Variants in DPP10 observed in about 807,000 individuals in gnomAD.
DPP10 encodes dipeptidyl peptidase like 10.
Under a neutral mutation model 120.9 loss-of-function variants are expected in DPP10, and 33 were observed. That is an observed-to-expected ratio of 0.27 (90% CI 0.21 to 0.37). The LOEUF (loss-of-function observed/expected upper bound fraction) is 0.37, where lower values mean the gene tolerates loss of function less well. DPP10 is among the 10% of genes least tolerant of loss of function. The pLI, the probability that DPP10 is intolerant of heterozygous loss-of-function variation, is 1.00. For missense variants in DPP10, 816 were observed against 942.8 expected, an observed-to-expected ratio of 0.87 and a Z score of 1.76; for synonymous variants, 337 against 326.1, an observed-to-expected ratio of 1.03 and a Z score of -0.36.
intron 1 of DPP10, among the ~76,000 whole-genome samples, chr2:114,460,207 ATCTATCTATCTATCTAT>A (rs1370233911): frequency 1.3e-5 from 2 of 151,682 alleles, no homozygotes; most frequent in Non-Finnish European, 2.9e-5. Flanking sequence ...CTATCTATCT[ATCTATCTATCTATCTAT>A]TCTAAGAGCA....
chr2:114,869,429 G>A (rs949160138), intron 1 of DPP10, among the ~76,000 whole-genome samples: 2 of 152,094 alleles, frequency 1.3e-5, no homozygotes, highest in African/African-American at 4.8e-5. Flanking sequence ...TTACAGATAG[G>A]CAGCAAGAGA....
At chr2:114,577,786 G>A (rs1573702740) in intron 1 of DPP10, among the ~76,000 whole-genome samples, 1 of 152,140 alleles carries the variant, frequency 6.6e-6, no homozygotes, top group African/African-American at 2.4e-5. Context: ...TTCCCTAGCT[G>A]CTGGTGGTTT....
intron 3 of DPP10, among the ~76,000 whole-genome samples, chr2:115,453,638 G>A (rs773863218): frequency 8.6e-5 from 13 of 151,402 alleles, no homozygotes; most frequent in Non-Finnish European, 1.3e-4. Context: ...CAACTAAAAC[G>A]GTAGTTTTGG....
At chr2:115,471,936 A>G (rs2105183763) in intron 3 of DPP10, among the ~76,000 whole-genome samples, 1 of 152,108 alleles carries the variant, frequency 6.6e-6, no homozygotes, top group South Asian at 2.1e-4. Context: ...GATTCTTTCA[A>G]GTTTTGGTGA....
intron 3 of DPP10, among the ~76,000 whole-genome samples, chr2:115,431,460 C>T (rs528777895): frequency 1.3e-5 from 2 of 152,258 alleles, no homozygotes; most frequent in African/African-American, 2.4e-5. Context: ...AAAAAATAAA[C>T]ATGGACTGCA....
intron 1 of DPP10, among the ~76,000 whole-genome samples, chr2:114,987,747 T>C: frequency 6.6e-6 from 1 of 151,738 alleles, no homozygotes; most frequent in East Asian, 1.9e-4. Context: ...TGGATCTTAT[T>C]GAGGTTTTAT....
In DPP10 at chr2:115,797,468, C is replaced by T. The variant is rs1459440581; in HGVS notation, c.1700+6112C>T. 5.9e-5 allele frequency among the ~76,000 whole-genome samples: 9 copies of T among 151,982 alleles called. No individual in the cohort carries two copies. In the South Asian group the frequency reaches 8.3e-4, roughly 14 times the overall value. On this transcript the variant is annotated intron_variant, in intron 19 of 25. Transcript: ENST00000410059. ...TTTCTTGCAAAAATAGTACATATAC[C>T]GTCTGATGTGGGTGAAAGAGATAGC...
chr2:115,268,469 A>T (rs112630379), intron 1 of DPP10, among the ~76,000 whole-genome samples: 1 of 152,172 alleles, frequency 6.6e-6, no homozygotes. Flanking sequence ...GCGACTTCCT[A>T]AAATACGATG....
chr2:114,459,255 C>T (rs1678740100), intron 1 of DPP10, among the ~76,000 whole-genome samples: 1 of 152,158 alleles, frequency 6.6e-6, no homozygotes, highest in Admixed American at 6.6e-5. Context: ...TGACATGCAG[C>T]ATGTAACATG....
chr2:115,382,854 G>A (rs1396320758), intron 3 of DPP10, among the ~76,000 whole-genome samples: 1 of 152,174 alleles, frequency 6.6e-6, no homozygotes, highest in Non-Finnish European at 1.5e-5. Flanking sequence ...GCTGAGGATG[G>A]ATATTTGTGA....
intron 1 of DPP10, among the ~76,000 whole-genome samples, chr2:114,634,831 G>T (rs1408991359): frequency 6.6e-6 from 1 of 151,772 alleles, no homozygotes; most frequent in African/African-American, 2.4e-5. Flanking sequence ...AACTTTTATT[G>T]TTCAGTTGTC....
chr2:114,636,857 CT>C (rs1256862058), intron 1 of DPP10, among the ~76,000 whole-genome samples: 1 of 151,704 alleles, frequency 6.6e-6, no homozygotes, highest in East Asian at 1.9e-4. Flanking sequence ...GAGGGATTCA[CT>C]TTGAATATTT....
intron 1 of DPP10, among the ~76,000 whole-genome samples, chr2:115,096,060 T>C (rs1427641502): frequency 6.6e-6 from 1 of 152,064 alleles, no homozygotes; most frequent in East Asian, 1.9e-4. Flanking sequence ...ATCTAAAGTA[T>C]AAAATTACTC....
intron 1 of DPP10, among the ~76,000 whole-genome samples, chr2:115,012,803 T>A (rs745996169): frequency 2.0e-5 from 3 of 152,058 alleles, no homozygotes; most frequent in Non-Finnish European, 4.4e-5. Flanking sequence ...TCACCAGCAA[T>A]AGATCCAAAG....
At chr2:114,989,716 A>G (rs1459936291) in intron 1 of DPP10, among the ~76,000 whole-genome samples, 4 of 152,228 alleles carry the variant, frequency 2.6e-5, no homozygotes, top group Non-Finnish European at 4.4e-5. Flanking sequence ...CGTTATCTAA[A>G]TCATAATCAC....
chr2:115,720,452 CTT>C (rs987865684), intron 7 of DPP10, among the ~76,000 whole-genome samples: 6 of 151,952 alleles, frequency 3.9e-5, no homozygotes, highest in African/African-American at 7.3e-5. Flanking sequence ...AAAAATATGT[CTT>C]AAATATTTCA....
chr2:115,229,844 T>C (rs1185314961), intron 1 of DPP10, among the ~76,000 whole-genome samples: 1 of 151,440 alleles, frequency 6.6e-6, no homozygotes, highest in African/African-American at 2.4e-5. Flanking sequence ...AATTTCTCCA[T>C]TTTTTCTTTT....
At chr2:114,820,708 C>A (rs1198785335) in intron 1 of DPP10, among the ~76,000 whole-genome samples, 2 of 152,334 alleles carry the variant, frequency 1.3e-5, no homozygotes, top group East Asian at 1.9e-4. Flanking sequence ...AACTCACTCA[C>A]TATCACAAGA....
At chr2:115,261,444 A>G (rs2059247350) in intron 1 of DPP10, among the ~76,000 whole-genome samples, 1 of 152,224 alleles carries the variant, frequency 6.6e-6, no homozygotes, top group African/African-American at 2.4e-5. Flanking sequence ...TGGCCTTGGC[A>G]TCGTGAGGAA....
Sources: gnomAD v4.1 joint callset for allele counts (sites outside exome capture counted in the v4.1 genomes callset) on GRCh38, gnomAD v4.1.1 for gene constraint, MANE v1.5 for transcripts, NCBI Gene and HGNC (gene_info 2026-07-23, HGNC 2026-07-21) for gene names.